HRK: variants seen among roughly 807,000 people sequenced by gnomAD.
HRK encodes activator of apoptosis harakiri.
A neutral mutation model predicts 5.9 loss-of-function variants in HRK; 6 were observed. That is an observed-to-expected ratio of 1.02 (90% confidence interval 0.56 to 2.01). The LOEUF is 2.01. Ranked by LOEUF, HRK falls within the 30% of genes most tolerant of loss-of-function variation. HRK has a pLI of 0.00. For synonymous variants in HRK, 85 were observed against 65.1 expected, an observed-to-expected ratio of 1.31 and a Z score of -1.47; for missense variants, 133 against 128.3, an observed-to-expected ratio of 1.04 and a Z score of -0.18.
At position 116,880,969 on chromosome 12, in the gene HRK, C is replaced by A; in HGVS notation, c.*56+7G>T. 1 of 1,214,308 alleles carries A rather than the reference C, an allele frequency of 8.2e-7. No homozygotes were observed. The highest frequency in any genetic ancestry group is 1.0e-6 in the Non-Finnish European group (1 of 957,190). 75.2% of individuals were successfully genotyped at this position (1,214,308 alleles called of 1,614,324 possible). On this transcript the variant is annotated splice_region_variant and intron_variant, in intron 1 of 1. Transcript: ENST00000257572. ...GCGCCCCGGCTCTCGCTCGCTCGCT[C>A]GCGTACCTGTTGCTCGCTCCGGCTG...
At chr12:116,864,488 G>C (rs543536062) in intron 1 of HRK, among the ~76,000 whole-genome samples, 1 of 152,308 alleles carries the variant, frequency 6.6e-6, no homozygotes, top group South Asian at 2.1e-4. Flanking sequence ...AATTACCAGG[G>C]AAGCTTCAGC....
chr12:116,856,344 G>T lies in HRK; in HGVS notation c.*5179C>A, dbSNP rs182649338. ...AGGTTCTCCAGATACCCTCCCAGCC[G>T]CCCCTGCCACGCACACGGGCTCCTT... On this transcript the variant is annotated 3_prime_UTR_variant, in exon 2 of 2. Transcript: ENST00000257572. The surrounding 1 kb of genome is among the most constrained non-coding windows in gnomAD (Gnocchi z 4.4). The T allele has an allele frequency of 2.0e-5, 3 of 152,184 alleles. No individual in the cohort carries two copies. The highest frequency in any genetic ancestry group is 2.9e-5 in the Non-Finnish European group (2 of 68,072). The allele number at this position is 152,184 out of a possible 1,614,324, so 9.4% of individuals were successfully genotyped here. A position where few individuals can be genotyped will look rare whatever the true frequency, so the allele number is the denominator to read the frequency against.
chr12:116,880,711 A>C (rs1394019518), intron 1 of HRK, among the ~76,000 whole-genome samples: 1 of 152,126 alleles, frequency 6.6e-6, no homozygotes, highest in Non-Finnish European at 1.5e-5. Context: ...AGTCCTCCGC[A>C]AGCCACTGAG....
At chr12:116,874,588 C>G (rs1878869844) in intron 1 of HRK, among the ~76,000 whole-genome samples, 1 of 152,200 alleles carries the variant, frequency 6.6e-6, no homozygotes, top group South Asian at 2.1e-4. Flanking sequence ...TCACCACTCC[C>G]CCATGAGGTG....
chr12:116,860,701 C>T lies in HRK; in HGVS notation c.*822G>A, dbSNP rs1479189740. On this transcript the variant is annotated 3_prime_UTR_variant, in exon 2 of 2. Transcript: ENST00000257572. Reference sequence around the variant, plus strand: ...AGACTCTCAAGTGGCACTTTTGCAACTTGTCCCTTAAAAAAAAAAAAAAAA... The same window carrying T: ...AGACTCTCAAGTGGCACTTTTGCAATTTGTCCCTTAAAAAAAAAAAAAAAA... The T allele has an allele frequency of 8.4e-6, 1 of 119,264 alleles. No individual in the cohort carries two copies. Among genetic ancestry groups the T allele is most frequent in the African/African-American group, 2.6e-5 (1 of 38,986 alleles). 7.4% of individuals were successfully genotyped at this position (119,264 alleles called of 1,614,324 possible). A position where few individuals can be genotyped will look rare whatever the true frequency, so the allele number is the denominator to read the frequency against.
At chr12:116,872,578 C>A (rs2137251225) in intron 1 of HRK, among the ~76,000 whole-genome samples, 2 of 151,782 alleles carry the variant, frequency 1.3e-5, no homozygotes, top group East Asian at 1.9e-4. Flanking sequence ...AGTTCAAGAC[C>A]AGCCTGGGCA....
Position 116,881,247 on chromosome 12 carries a change from C to T in HRK, c.61G>A (p.Gly21Ser). ...GCGGACGAGCGCAGCCCCAGGCGACCCGCGCTGCAGGCGCACACGGCCGGG... is the reference window on the plus strand; with the variant it reads ...GCGGACGAGCGCAGCCCCAGGCGACTCGCGCTGCAGGCGCACACGGCCGGG... ...GPPAVCACSA[G>S]RLGLRSSAAQ... Residue 21 changes from glycine to serine, a missense_variant, in exon 1 of 2, where the codon GGT (glycine) becomes AGT (serine). Transcript: ENST00000257572. 2.7e-6 allele frequency: 3 copies of T among 1,097,994 alleles called. No homozygotes were observed. The highest frequency in any genetic ancestry group is 3.3e-5 in the African/African-American group (2 of 59,810). The allele number at this position is 1,097,994 out of a possible 1,614,324, so 68.0% of individuals were successfully genotyped here.
intron 1 of HRK, among the ~76,000 whole-genome samples, chr12:116,868,864 G>T (rs1377955897): frequency 6.6e-6 from 1 of 152,184 alleles, no homozygotes; most frequent in African/African-American, 2.4e-5. Flanking sequence ...TCCCAGATTG[G>T]GGAAGGCAGG....
intron 1 of HRK, among the ~76,000 whole-genome samples, chr12:116,872,408 G>T (rs1421565149): frequency 1.3e-5 from 2 of 152,046 alleles, no homozygotes; most frequent in Non-Finnish European, 2.9e-5. Context: ...AAAATATTAA[G>T]CTGTTGAACA....
At chr12:116,867,457 A>C (rs1878587706) in intron 1 of HRK, among the ~76,000 whole-genome samples, 1 of 152,086 alleles carries the variant, frequency 6.6e-6, no homozygotes, top group Non-Finnish European at 1.5e-5. Context: ...AAAAATTTTT[A>C]ATTAGCCAAT....
At chr12:116,867,429 C>A (rs138233213) in intron 1 of HRK, among the ~76,000 whole-genome samples, 12 of 152,238 alleles carry the variant, frequency 7.9e-5, no homozygotes, top group Admixed American at 4.6e-4. Flanking sequence ...CAGGCCTGAG[C>A]CACTGCGCCC....
chr12:116,863,420 C>A (rs149361783), intron 1 of HRK, among the ~76,000 whole-genome samples: 7 of 152,336 alleles, frequency 4.6e-5, no homozygotes, highest in Non-Finnish European at 7.3e-5. Context: ...CTTACCCTGG[C>A]ACCTTCAGGC....
intron 1 of HRK, among the ~76,000 whole-genome samples, chr12:116,872,934 G>T (rs1565884635): frequency 6.3e-5 from 1 of 15,916 alleles, no homozygotes; most frequent in Non-Finnish European, 2.2e-4. Context: ...AAAGGAAAGA[G>T]AAATGGCAGA....
chr12:116,866,207 A>G (rs948996628), intron 1 of HRK, among the ~76,000 whole-genome samples: 2 of 146,942 alleles, frequency 1.4e-5, no homozygotes, highest in Non-Finnish European at 3.0e-5. Flanking sequence ...CTTTGGTTTC[A>G]GCAGGTTGAT....
At chr12:116,864,947 T>G (rs1052310938) in intron 1 of HRK, among the ~76,000 whole-genome samples, 1 of 152,154 alleles carries the variant, frequency 6.6e-6, no homozygotes, top group Non-Finnish European at 1.5e-5. Context: ...AGATGCTAAC[T>G]CACAGCCAAA....
chr12:116,874,582 C>T (rs1329442321), intron 1 of HRK, among the ~76,000 whole-genome samples: 1 of 152,158 alleles, frequency 6.6e-6, no homozygotes, highest in Admixed American at 6.5e-5. Flanking sequence ...AGAACCTCAC[C>T]ACTCCCCCAT....
intron 1 of HRK, among the ~76,000 whole-genome samples, chr12:116,874,881 C>T (rs965941507): frequency 3.3e-5 from 5 of 152,166 alleles, no homozygotes; most frequent in Admixed American, 3.3e-4. Context: ...CCACCCATGA[C>T]TCCAGTCCCC....
intron 1 of HRK, among the ~76,000 whole-genome samples, chr12:116,871,279 G>T (rs1878739907): frequency 1.3e-5 from 2 of 150,726 alleles, no homozygotes; most frequent in Admixed American, 6.7e-5. Context: ...AATATGTTTT[G>T]ATATCAAAGT....
At chr12:116,868,712 G>T (rs1878635898) in intron 1 of HRK, among the ~76,000 whole-genome samples, 1 of 152,192 alleles carries the variant, frequency 6.6e-6, no homozygotes, top group East Asian at 1.9e-4. Context: ...ATGGCCAGGT[G>T]CTGGGATACA....
Sources: allele counts gnomAD v4.1 joint callset (sites outside exome capture counted in the v4.1 genomes callset), GRCh38; gene constraint gnomAD v4.1.1; non-coding constraint Gnocchi (gnomAD v3.1); transcripts MANE v1.5; gene names NCBI Gene and HGNC (gene_info 2026-07-23, HGNC 2026-07-21).